Variants in SLC28A3 observed in about 807,000 individuals in gnomAD.
SLC28A3 encodes solute carrier family 28 member 3.
Under a neutral mutation model 84.2 loss-of-function variants are expected in SLC28A3, and 68 were observed. The observed-to-expected ratio is 0.81, with a 90% CI of 0.66 to 0.99. The LOEUF (loss-of-function observed/expected upper bound fraction) is 0.99. Among genes scored for constraint, SLC28A3 ranks in the 50% least tolerant of loss-of-function variants. SLC28A3 has a pLI of 0.00. For synonymous variants in SLC28A3, 267 were observed against 303.6 expected, an observed-to-expected ratio of 0.88 and a Z score of 1.25; for missense variants, 712 against 841.5, an observed-to-expected ratio of 0.85 and a Z score of 1.90.
intron 5 of SLC28A3, among the ~76,000 whole-genome samples, chr9:84,301,612 TTGTG>T (rs746106502): frequency 1.3e-5 from 2 of 152,186 alleles, no homozygotes; most frequent in Non-Finnish European, 2.9e-5. Context: ...TGGGTACAAC[TTGTG>T]TAAGAAAAAA....
intron 14 of SLC28A3, 121 bp from the exon 15 acceptor site, chr9:84,281,003 G>T: frequency 2.2e-6 from 2 of 893,452 alleles, no homozygotes; most frequent in Non-Finnish European, 3.5e-6. Context: ...ACAGTCCATG[G>T]TATCAAATAC....
At chr9:84,295,817 CAGA>C (rs1702241930) in intron 8 of SLC28A3, among the ~76,000 whole-genome samples, 1 of 152,058 alleles carries the variant, frequency 6.6e-6, no homozygotes. Context: ...AAGCTGCTAC[CAGA>C]GGCACAGAAT....
intron 1 of SLC28A3, among the ~76,000 whole-genome samples, chr9:84,321,956 A>G (rs1231400092): frequency 6.6e-6 from 1 of 152,156 alleles, no homozygotes; most frequent in Non-Finnish European, 1.5e-5. Context: ...AGGCTGAGGC[A>G]GGAGAACTGC....
the SLC28A3 span, among the ~76,000 whole-genome samples, chr9:84,359,835 T>C: frequency 2.6e-5 from 4 of 151,610 alleles, no homozygotes; most frequent in Non-Finnish European, 5.9e-5. Context: ...ACCGTGTTTC[T>C]ACAAAAAATA....
intron 9 of SLC28A3, 139 bp from the exon 10 acceptor site, chr9:84,292,887 G>T (rs756006303): frequency 3.4e-6 from 2 of 583,412 alleles, no homozygotes; most frequent in Non-Finnish European, 5.8e-6. Context: ...GGAGCTAAAG[G>T]TAAGTTTAAC....
At chr9:84,308,286 C>T (rs1588595091) in intron 3 of SLC28A3, among the ~76,000 whole-genome samples, 1 of 152,212 alleles carries the variant, frequency 6.6e-6, no homozygotes, top group East Asian at 1.9e-4. Context: ...TGGCTCACAC[C>T]TGTAATCCTG....
chr9:84,306,995 A>C lies in SLC28A3; in HGVS notation c.243-1650T>G, dbSNP rs1307085281. ...AAACACAGTGAGACCTTGTCTCTAC[A>C]AAAAAAAAAAAAAAAAAAAAAAAAA... On this transcript the variant is annotated intron_variant, in intron 3 of 17. Transcript: ENST00000376238. Among the ~76,000 whole-genome samples the C allele has an allele frequency of 5.0e-5, 3 of 59,940 alleles. No homozygotes were observed. The East Asian group carries it at 2.2e-3, about 45-fold the overall frequency. The allele number at this position is 59,940 out of a possible 152,430, so 39.3% of individuals were successfully genotyped here. A position where few individuals can be genotyped will look rare whatever the true frequency, so the allele number is the denominator to read the frequency against.
intron 1 of SLC28A3, among the ~76,000 whole-genome samples, chr9:84,328,755 A>G (rs747051805): frequency 6.6e-6 from 1 of 150,986 alleles, no homozygotes; most frequent in Non-Finnish European, 1.5e-5. Flanking sequence ...TGAGACTCTA[A>G]AAACAAAAAA....
intron 3 of SLC28A3, among the ~76,000 whole-genome samples, chr9:84,307,155 G>A (rs1233166361): frequency 1.4e-5 from 2 of 146,244 alleles, no homozygotes; most frequent in African/African-American, 2.5e-5. Context: ...AAAAGGCCAG[G>A]CGCGGTGGCT....
chr9:84,287,208 T>C (rs972779116), intron 12 of SLC28A3, among the ~76,000 whole-genome samples: 1 of 152,176 alleles, frequency 6.6e-6, no homozygotes, highest in Non-Finnish European at 1.5e-5. Flanking sequence ...GTCTGCACAC[T>C]GAGTAACTTT....
chr9:84,343,298 T>G (rs1200464962), upstream of SLC28A3, among the ~76,000 whole-genome samples: 2 of 152,148 alleles, frequency 1.3e-5, no homozygotes, highest in African/African-American at 4.8e-5. Flanking sequence ...GATTTTGCAT[T>G]GCTCACATAG....
In SLC28A3 at chr9:84,278,210, G is replaced by A. The variant is rs772584595; in HGVS notation, c.*8C>T. ...TACTTCAGAGTTCCACTGGAGAAGT[G>A]GCTGACCTCAAAATGTATTAGAGAT... is the stretch of plus-strand genomic sequence containing the variant. On this transcript the variant is annotated 3_prime_UTR_variant, in exon 18 of 18. Coordinates refer to ENST00000376238, the MANE Select transcript of SLC28A3 (RefSeq NM_001199633.2). The A allele has an allele frequency of 6.2e-7, 1 of 1,612,674 alleles. No homozygotes were observed. The highest frequency in any genetic ancestry group is 2.2e-5 in the East Asian group (1 of 44,844).
chr9:84,347,467 A>T, the SLC28A3 span, among the ~76,000 whole-genome samples: 1 of 152,234 alleles, frequency 6.6e-6, no homozygotes, highest in African/African-American at 2.4e-5. Context: ...TCAAGAGCCC[A>T]GTTCTGGAAA....
intron 5 of SLC28A3, among the ~76,000 whole-genome samples, chr9:84,299,999 G>T (rs1564156607): frequency 6.6e-6 from 1 of 152,126 alleles, no homozygotes; most frequent in East Asian, 1.9e-4. Context: ...CACTATGTTG[G>T]CCAGGCTGGT....
At chr9:84,324,196 T>C (rs992672986) in intron 1 of SLC28A3, among the ~76,000 whole-genome samples, 15 of 152,328 alleles carry the variant, frequency 9.8e-5, no homozygotes, top group Admixed American at 6.5e-4. Context: ...TTTATCTGTA[T>C]GGGTCAGATC....
intron 4 of SLC28A3, among the ~76,000 whole-genome samples, chr9:84,304,594 T>C (rs1223003975): frequency 6.6e-6 from 1 of 152,204 alleles, no homozygotes; most frequent in Non-Finnish European, 1.5e-5. Flanking sequence ...TAGATGGCCC[T>C]AGGCTACTCA....
chr9:84,307,687 T>C (rs1825850367), intron 3 of SLC28A3, among the ~76,000 whole-genome samples: 1 of 152,124 alleles, frequency 6.6e-6, no homozygotes, highest in African/African-American at 2.4e-5. Context: ...CAGTTGAAGA[T>C]ATATTAAGAA....
At chr9:84,362,125 G>C in the SLC28A3 span, among the ~76,000 whole-genome samples, 1 of 152,096 alleles carries the variant, frequency 6.6e-6, no homozygotes, top group Non-Finnish European at 1.5e-5. Context: ...TTCAGATGCT[G>C]TTCTGAAGGT....
At chr9:84,310,322 A>AT (rs1825948085) in intron 2 of SLC28A3, 16 of 878,642 alleles carry the variant, frequency 1.8e-5, no homozygotes, top group Non-Finnish European at 2.2e-5. Context: ...GACCCATCCC[A>AT]TTTTTTCATG....
Sources: allele counts gnomAD v4.1 joint callset (sites outside exome capture counted in the v4.1 genomes callset), GRCh38; gene constraint gnomAD v4.1.1; transcripts MANE v1.5; gene names NCBI Gene and HGNC (gene_info 2026-07-23, HGNC 2026-07-21).